TMEM106A: variants seen among roughly 807,000 people sequenced by gnomAD.
The protein encoded by TMEM106A is transmembrane protein 106A.
Under a neutral mutation model 25.1 loss-of-function variants are expected in TMEM106A, and 22 were observed. The ratio of observed to expected loss-of-function variants is 0.88; its 90% CI spans 0.63 to 1.25. TMEM106A has a LOEUF of 1.25. Ranked by LOEUF, TMEM106A falls within the 50% of genes most tolerant of loss-of-function variation. TMEM106A has a pLI of 0.00. For missense variants in TMEM106A, 275 were observed against 318.1 expected, an observed-to-expected ratio of 0.86 and a Z score of 1.03; for synonymous variants, 104 against 129.9, an observed-to-expected ratio of 0.80 and a Z score of 1.35.
At chr17:43,216,786 A>T in intron 7 of TMEM106A, 46 bp downstream of exon 7, 1 of 1,612,330 alleles carries the variant, frequency 6.2e-7, no homozygotes, top group Non-Finnish European at 8.5e-7. Context: ...TGCCTGGCTT[A>T]GGGACCCAAT....
chr17:43,214,969 A>AAAC (rs559959637), intron 4 of TMEM106A, among the ~76,000 whole-genome samples: 1 of 150,150 alleles, frequency 6.7e-6, no homozygotes, highest in African/African-American at 2.5e-5. Flanking sequence ...GAAAAAAAAA[A>AAAC]AAAAACAAAA....
chr17:43,215,455 A>G (rs141791819), intron 4 of TMEM106A, among the ~76,000 whole-genome samples: 111 of 152,136 alleles, frequency 7.3e-4, no homozygotes, highest in African/African-American at 2.6e-3. Flanking sequence ...TGTGATTAGT[A>G]TTTTTTCATA....
chr17:43,219,055 A>G lies in TMEM106A; in HGVS notation c.*1254A>G, dbSNP rs1385429185. ...GAAAAACAGAGCCAAAGACAGAATC[A>G]TTGTATAAGATATTTATTAAAGGAG... On this transcript the variant is annotated 3_prime_UTR_variant, in exon 9 of 9. Transcript: ENST00000612339. 1 of 152,208 alleles carries G rather than the reference A, an allele frequency of 6.6e-6. No individual in the cohort carries two copies. Among genetic ancestry groups the G allele is most frequent in the East Asian group, 1.9e-4 (1 of 5,204 alleles). The allele number at this position is 152,208 out of a possible 1,614,324, so 9.4% of individuals were successfully genotyped here.
rs150500864 is a variant in TMEM106A, at chr17:43,213,076, G to A, written c.35G>A (p.Arg12Gln). Residue 12 changes from arginine (R) to glutamine (Q), a missense_variant, in exon 3 of 9, where the codon CGG (arginine) becomes CAG (glutamine). Coordinates refer to ENST00000612339, the MANE Select transcript of TMEM106A (RefSeq NM_145041.4). ...GKTFSQLGSW[R>Q]EDENKSILSS... ...ACGTTTTCCCAGCTGGGCTCTTGGC[G>A]GGAGGATGAGAACAAGTCAATCCTG... 133 of 1,614,178 alleles carry A rather than the reference G, an allele frequency of 8.2e-5. No homozygotes were observed. The highest frequency in any genetic ancestry group is 4.8e-4 in the African/African-American group (36 of 75,044).
intron 7 of TMEM106A, 60 bp from the exon 8 acceptor site, chr17:43,217,199 T>C (rs1206464132): frequency 6.3e-7 from 1 of 1,575,218 alleles, no homozygotes; most frequent in Non-Finnish European, 8.7e-7. Context: ...AGGCATCTTC[T>C]GAGCTGACAG....
intron 4 of TMEM106A, 51 bp downstream of exon 4, chr17:43,213,942 G>T: frequency 6.4e-7 from 1 of 1,564,408 alleles, no homozygotes; most frequent in African/African-American, 1.4e-5. Flanking sequence ...CCTGGGGGCT[G>T]CTCCCTTTGT....
At chr17:43,213,679 C>A in intron 3 of TMEM106A, 149 bp from the exon 4 acceptor site, 1 of 735,426 alleles carries the variant, frequency 1.4e-6, no homozygotes, top group Non-Finnish European at 2.2e-6. Context: ...TAGCAGAGTC[C>A]AGTGCTTCCA....
rs1490817430 is a variant in TMEM106A, at chr17:43,218,156, T to A, written c.*355T>A. ...TTCTTGGCCTCCCAAAGCACTTGGA[T>A]TACAGATGTGAGCCTGTGCCTGGCT... On this transcript the variant is annotated 3_prime_UTR_variant, in exon 9 of 9. Coordinates refer to ENST00000612339, the MANE Select transcript of TMEM106A (RefSeq NM_145041.4). 1 of 239,034 alleles carries A rather than the reference T, an allele frequency of 4.2e-6. No homozygotes were observed. The highest frequency in any genetic ancestry group is 8.3e-6 in the Non-Finnish European group (1 of 121,128). 14.8% of individuals were successfully genotyped at this position (239,034 alleles called of 1,614,324 possible). A position where few individuals can be genotyped will look rare whatever the true frequency, so the allele number is the denominator to read the frequency against.
rs1478828604 is a variant in TMEM106A, at chr17:43,213,078, G to A, written c.37G>A (p.Glu13Lys). The change falls in exon 3 of 9, where the codon GAG becomes AAG. Residue 13 changes from glutamate (E) to lysine (K), a missense_variant. Glu to Lys is a moderately conservative substitution (Grantham distance 56). Coordinates refer to ENST00000612339, the MANE Select transcript of TMEM106A (RefSeq NM_145041.4). The part of the protein sequence containing the change: ...KTFSQLGSWR[E>K]DENKSILSSK... ...GTTTTCCCAGCTGGGCTCTTGGCGG[G>A]AGGATGAGAACAAGTCAATCCTGTC... 6.2e-7 allele frequency: 1 copy of A among 1,614,234 alleles called. No individual in the cohort carries two copies. Among genetic ancestry groups the A allele is most frequent in the Non-Finnish European group, 8.5e-7 (1 of 1,180,046 alleles).
Position 43,218,126 on chromosome 17 carries a change from C to A in TMEM106A, c.*325C>A. 1 of 263,576 alleles carries A rather than the reference C, an allele frequency of 3.8e-6. No homozygotes were observed. The highest frequency in any genetic ancestry group is 7.3e-6 in the Non-Finnish European group (1 of 136,078). 16.3% of individuals were successfully genotyped at this position (263,576 alleles called of 1,614,324 possible). ...TTTGAACTCCTGGGCTCAAGCGATCCTCCCTTCTTGGCCTCCCAAAGCACT... is the reference window on the plus strand; with the variant it reads ...TTTGAACTCCTGGGCTCAAGCGATCATCCCTTCTTGGCCTCCCAAAGCACT... On this transcript the variant is annotated 3_prime_UTR_variant, in exon 9 of 9. Transcript: ENST00000612339.
At chr17:43,213,736 G>T (rs1027773976) in intron 3 of TMEM106A, 92 bp from the exon 4 acceptor site, 1 of 1,237,066 alleles carries the variant, frequency 8.1e-7, no homozygotes, top group Non-Finnish European at 1.2e-6. Flanking sequence ...TTGCTCTATG[G>T]TGTGGGTGGA....
At chr17:43,215,729 G>A (rs773379196) in intron 4 of TMEM106A, 59 bp from the exon 5 acceptor site, 51 of 1,592,900 alleles carry the variant, frequency 3.2e-5, no homozygotes, top group Non-Finnish European at 4.4e-5. Flanking sequence ...CCCCCTCTCC[G>A]AGTTTCCTTG....
rs138016493 is a variant in TMEM106A, at chr17:43,218,818, G to C, written c.*1017G>C. The C allele has an allele frequency of 6.6e-6, 1 of 152,278 alleles. No homozygotes were observed. The highest frequency in any genetic ancestry group is 1.5e-5 in the Non-Finnish European group (1 of 68,038). 9.4% of individuals were successfully genotyped at this position (152,278 alleles called of 1,614,324 possible). ...ATAGTCTGCTTCTCTCTGGTAACTT[G>C]TCTGCCACCCATCTGATAGTAAGAT... On this transcript the variant is annotated 3_prime_UTR_variant, in exon 9 of 9. Coordinates refer to ENST00000612339, the MANE Select transcript of TMEM106A (RefSeq NM_145041.4).
rs2057494367 is a variant in TMEM106A, at chr17:43,217,184, C to T, written c.615-75C>T. The T allele has an allele frequency of 1.0e-5, 15 of 1,482,902 alleles. No homozygotes were observed. In the South Asian group the frequency reaches 1.6e-4, roughly 16 times the overall value. 91.9% of individuals were successfully genotyped at this position (1,482,902 alleles called of 1,614,324 possible). A position where few individuals can be genotyped will look rare whatever the true frequency, so the allele number is the denominator to read the frequency against. ...GTTCTGTGGGGTAAGGAAACTGGGACCTGCAGGCATCTTCTGAGCTGACAG... is the reference window on the plus strand; with the variant it reads ...GTTCTGTGGGGTAAGGAAACTGGGATCTGCAGGCATCTTCTGAGCTGACAG... On this transcript the variant is annotated intron_variant, in intron 7 of 8. Transcript: ENST00000612339.
intron 8 of TMEM106A, 34 bp downstream of exon 8, chr17:43,217,346 C>G (rs1223980476): frequency 2.5e-6 from 4 of 1,611,454 alleles, no homozygotes; most frequent in Non-Finnish European, 2.5e-6. Context: ...TATCCCTGCT[C>G]TCACTTCTGA....
chr17:43,217,444 C>A, intron 8 of TMEM106A, 132 bp downstream of exon 8: 1 of 1,314,070 alleles, frequency 7.6e-7, no homozygotes, highest in Non-Finnish European at 1.1e-6. Context: ...AATAGCAAGT[C>A]TAGCCCCTTT....
At chr17:43,216,008 GT>G in intron 5 of TMEM106A, 67 bp downstream of exon 5, 1 of 1,591,468 alleles carries the variant, frequency 6.3e-7, no homozygotes. Flanking sequence ...TTTGTCCAGT[GT>G]TATGACCCTG....
At chr17:43,212,516 C>T (rs904978027) in intron 2 of TMEM106A, 122 bp downstream of exon 2, 3 of 159,982 alleles carry the variant, frequency 1.9e-5, no homozygotes, top group Non-Finnish European at 4.1e-5. Context: ...CCTGGTATCA[C>T]TATGACCCTC....
At chr17:43,216,835 TC>T in intron 7 of TMEM106A, 95 bp downstream of exon 7, 1 of 1,524,068 alleles carries the variant, frequency 6.6e-7, no homozygotes, top group East Asian at 2.3e-5. Flanking sequence ...AGCAAATTCT[TC>T]AGCCAGCATC....
Sources: gnomAD v4.1 joint callset for allele counts (sites outside exome capture counted in the v4.1 genomes callset) on GRCh38, gnomAD v4.1.1 for gene constraint, MANE v1.5 for transcripts, NCBI Gene and HGNC (gene_info 2026-07-23, HGNC 2026-07-21) for gene names.